Variants in MSANTD5 observed in about 807,000 individuals in gnomAD.
MSANTD5 encodes the protein uncharacterized protein MSANTD5.
upstream of MSANTD5, among the ~76,000 whole-genome samples, chr5:178,700,614 G>GTGTGACCATCCTGAGAGTTCCTTCTTCC (rs1561610512): frequency 2.9e-4 from 44 of 150,406 alleles, no homozygotes; most frequent in African/African-American, 9.3e-4. Flanking sequence ...ACTCCCGAGA[G>GTGTGACCATCCTGAGAGTTCCTTCTTCC]AGTGTGACCA....
upstream of MSANTD5, among the ~76,000 whole-genome samples, chr5:178,698,103 G>A (rs1256516268): frequency 6.6e-6 from 1 of 152,170 alleles, no homozygotes; most frequent in Non-Finnish European, 1.5e-5. Context: ...GCGATGTAAG[G>A]ATTAGGGGAA....
the MSANTD5 span, among the ~76,000 whole-genome samples, chr5:178,704,670 A>G: frequency 6.6e-6 from 1 of 152,204 alleles, no homozygotes; most frequent in South Asian, 2.1e-4. Context: ...CAAGTCAGAA[A>G]TTGCGGATGT....
chr5:178,702,382 C>T (rs1354934209), upstream of MSANTD5, among the ~76,000 whole-genome samples: 1 of 149,444 alleles, frequency 6.7e-6, no homozygotes, highest in Non-Finnish European at 1.5e-5. Flanking sequence ...CTCACTGCAA[C>T]CTCCGCCTCC....
At chr5:178,699,937 T>TCTAATGGGGACCCTGCTTATCTTGTCC (rs58269048), upstream of MSANTD5, among the ~76,000 whole-genome samples, 1 of 146,788 alleles carries the variant, frequency 6.8e-6, no homozygotes. Flanking sequence ...TTCTGTGGCT[T>TCTAATGGGGACCCTGCTTATCTTGTCC]TCCAGCACAG....
chr5:178,697,381 G>C (rs1011759886), intron 1 of MSANTD5, among the ~76,000 whole-genome samples: 1 of 152,136 alleles, frequency 6.6e-6, no homozygotes, highest in Non-Finnish European at 1.5e-5. Context: ...CTGAACCCGG[G>C]AGGCGGAGGT....
At chr5:178,697,934 G>T (rs1581734024), upstream of MSANTD5, among the ~76,000 whole-genome samples, 1 of 152,318 alleles carries the variant, frequency 6.6e-6, no homozygotes, top group Middle Eastern at 3.4e-3. Context: ...CAGGGAAATT[G>T]GAGATCAACT....
chr5:178,702,090 A>T (rs73316853), upstream of MSANTD5, among the ~76,000 whole-genome samples: 4,237 of 151,064 alleles, frequency 0.028, 139 homozygotes, highest in Admixed American at 0.067. Context: ...ACTAAAAAAA[A>T]AAAAAATAAA....
At chr5:178,702,089 A>T (rs537213653), upstream of MSANTD5, among the ~76,000 whole-genome samples, 24 of 151,346 alleles carry the variant, frequency 1.6e-4, no homozygotes, top group South Asian at 4.2e-4. Context: ...AACTAAAAAA[A>T]AAAAAAATAA....
upstream of MSANTD5, among the ~76,000 whole-genome samples, chr5:178,698,013 A>G (rs115421753): frequency 5.3e-4 from 80 of 152,264 alleles, no homozygotes; most frequent in Non-Finnish European, 1.0e-3. Context: ...TTACATTCCT[A>G]TAGATAAATT....
chr5:178,705,900 T>G, the MSANTD5 span, among the ~76,000 whole-genome samples: 1 of 151,396 alleles, frequency 6.6e-6, no homozygotes, highest in East Asian at 2.0e-4. Context: ...GAGCTTGCAG[T>G]GAGCCGAGAT....
At chr5:178,706,928 A>C in the MSANTD5 span, 1 of 152,130 alleles carries the variant, frequency 6.6e-6, no homozygotes, top group Non-Finnish European at 1.5e-5. Context: ...CCAGCAATTC[A>C]TCAAAATTAC....
At chr5:178,691,806 C>T (rs577048357), downstream of MSANTD5, among the ~76,000 whole-genome samples, 13 of 136,548 alleles carry the variant, frequency 9.5e-5, 1 homozygote, top group East Asian at 1.9e-4. Flanking sequence ...TATCATCAGC[C>T]GCCAGGGAAC....
downstream of MSANTD5, among the ~76,000 whole-genome samples, chr5:178,693,327 T>C (rs540219714): frequency 2.8e-4 from 43 of 151,932 alleles, no homozygotes; most frequent in Non-Finnish European, 5.0e-4. Flanking sequence ...AATATAATAA[T>C]GTGTCCGGAA....
At chr5:178,705,234 G>C in the MSANTD5 span, among the ~76,000 whole-genome samples, 1 of 152,196 alleles carries the variant, frequency 6.6e-6, no homozygotes, top group South Asian at 2.1e-4. Flanking sequence ...TTTTAGTAGA[G>C]ATGGGGTTTT....
the MSANTD5 span, among the ~76,000 whole-genome samples, chr5:178,703,229 C>G: frequency 2.0e-5 from 3 of 152,214 alleles, no homozygotes; most frequent in Non-Finnish European, 4.4e-5. Flanking sequence ...CATGGCAAGC[C>G]CTGTGCACAG....
upstream of MSANTD5, chr5:178,697,696 C>G (rs1204129197): frequency 6.6e-6 from 1 of 152,126 alleles, no homozygotes; most frequent in Non-Finnish European, 1.5e-5. Flanking sequence ...CTAGTGGAAC[C>G]TAGGAGAGTC....
At chr5:178,702,214 T>G (rs1253376357), upstream of MSANTD5, among the ~76,000 whole-genome samples, 1 of 151,862 alleles carries the variant, frequency 6.6e-6, no homozygotes, top group Non-Finnish European at 1.5e-5. Context: ...GGGAAATCGA[T>G]CTAAGAGCAA....
the MSANTD5 span, among the ~76,000 whole-genome samples, chr5:178,702,867 G>A: frequency 2.0e-5 from 3 of 152,210 alleles, no homozygotes; most frequent in Non-Finnish European, 2.9e-5. Context: ...AAAGTGCTGG[G>A]ATTACAGATG....
At chr5:178,703,810 G>C in the MSANTD5 span, among the ~76,000 whole-genome samples, 3 of 151,002 alleles carry the variant, frequency 2.0e-5, no homozygotes, top group Non-Finnish European at 4.4e-5. Context: ...GTGAAACCCC[G>C]TCTCTACTAA....
Sources: gnomAD v4.1 joint callset for allele counts (sites outside exome capture counted in the v4.1 genomes callset) on GRCh38, gnomAD v4.1.1 for gene constraint, MANE v1.5 for transcripts, NCBI Gene and HGNC (gene_info 2026-07-23, HGNC 2026-07-21) for gene names.